MCPH1: variants seen among roughly 807,000 people sequenced by gnomAD.
The protein encoded by MCPH1 is microcephalin.
MCPH1 carries 104 observed loss-of-function variants against 84.5 expected under a neutral mutation model. That is an observed-to-expected ratio of 1.23 (90% CI 1.05 to 1.45). The LOEUF is 1.45. Among genes scored for constraint, MCPH1 ranks in the 40% most tolerant of loss-of-function variants. MCPH1 has a pLI of 0.00. For synonymous variants in MCPH1, 514 were observed against 366.8 expected (o/e 1.40, Z -4.58); for missense variants, 1,498 against 1,005.7 (o/e 1.49, Z -6.62).
At chr8:6,603,298 G>C (rs562255221) in intron 12 of MCPH1, among the ~76,000 whole-genome samples, 1 of 152,072 alleles carries the variant, frequency 6.6e-6, no homozygotes, top group African/African-American at 2.4e-5. Flanking sequence ...ACTGGTGATT[G>C]TGCAGGGGTG....
intron 12 of MCPH1, among the ~76,000 whole-genome samples, chr8:6,556,137 C>A (rs539858971): frequency 6.6e-6 from 1 of 152,204 alleles, no homozygotes; most frequent in African/African-American, 2.4e-5. Flanking sequence ...CTTAACTTCT[C>A]AGGCTCACTT....
intron 12 of MCPH1, chr8:6,502,982 G>C: frequency 4.1e-6 from 5 of 1,213,572 alleles, no homozygotes; most frequent in Non-Finnish European, 5.8e-6. Flanking sequence ...GGTCCCGTCA[G>C]CACCGAGCAC....
At chr8:6,549,386 A>G (rs558058496) in intron 12 of MCPH1, among the ~76,000 whole-genome samples, 1 of 152,370 alleles carries the variant, frequency 6.6e-6, no homozygotes, top group Admixed American at 6.5e-5. Context: ...GACATTCAAA[A>G]CCTAGCAAAA....
Position 6,552,305 on chromosome 8 carries a change from C to G in MCPH1, c.2214+52376C>G, listed in dbSNP as rs1018896453. 3.0e-4 allele frequency among the ~76,000 whole-genome samples: 45 copies of G among 152,280 alleles called. 1 individual carries two copies. The highest frequency in any genetic ancestry group is 1.0e-3 in the African/African-American group (43 of 41,558). ...AATTACATATGACGATGGAATGTGG[C>G]CATATTCACGCAGTCACAGCAGTGT... On this transcript the variant is annotated intron_variant, in intron 12 of 13. Coordinates refer to ENST00000344683, the MANE Select transcript of MCPH1 (RefSeq NM_024596.5).
intron 9 of MCPH1, among the ~76,000 whole-genome samples, chr8:6,477,056 T>A (rs1174947013): frequency 8.0e-5 from 1 of 12,462 alleles, no homozygotes; most frequent in African/African-American, 1.9e-4. Flanking sequence ...ATTAAACATT[T>A]TATTTAAATT....
At chr8:6,437,751 C>A (rs561676460) in intron 5 of MCPH1, among the ~76,000 whole-genome samples, 1 of 152,302 alleles carries the variant, frequency 6.6e-6, no homozygotes, top group African/African-American at 2.4e-5. Flanking sequence ...TTGACATCTC[C>A]TTCTTCCTGA....
intron 12 of MCPH1, among the ~76,000 whole-genome samples, chr8:6,515,384 G>A (rs958339057): frequency 3.3e-5 from 5 of 152,146 alleles, no homozygotes; most frequent in African/African-American, 1.2e-4. Context: ...CAGTGTCCTG[G>A]TGCAAGGTGT....
At chr8:6,456,471 A>C (rs1805689902) in intron 9 of MCPH1, among the ~76,000 whole-genome samples, 2 of 152,184 alleles carry the variant, frequency 1.3e-5, no homozygotes, top group African/African-American at 4.8e-5. Context: ...TTGGAAAGAA[A>C]TAAAGAACCA....
chr8:6,584,637 G>C (rs1252981952), intron 12 of MCPH1, among the ~76,000 whole-genome samples: 1 of 152,178 alleles, frequency 6.6e-6, no homozygotes, highest in African/African-American at 2.4e-5. Flanking sequence ...GTATTTCTCA[G>C]TGTTCGCTAC....
intron 13 of MCPH1, among the ~76,000 whole-genome samples, chr8:6,628,111 C>G (rs1488810816): frequency 6.6e-6 from 1 of 152,052 alleles, no homozygotes; most frequent in Non-Finnish European, 1.5e-5. Flanking sequence ...GGGTCCCCGT[C>G]GTTAAACTTA....
chr8:6,453,526 T>C (rs940726798), intron 8 of MCPH1, among the ~76,000 whole-genome samples: 3 of 152,148 alleles, frequency 2.0e-5, no homozygotes, highest in African/African-American at 7.2e-5. Flanking sequence ...GTGGCTATTA[T>C]AAAACTTTTA....
intron 12 of MCPH1, chr8:6,532,229 G>A (rs955481098): frequency 1.5e-6 from 2 of 1,325,320 alleles, no homozygotes; most frequent in Non-Finnish European, 2.1e-6. Context: ...CTGTGGTGGT[G>A]CTTTCTTTAG....
At chr8:6,472,407 T>C (rs1807846727) in intron 9 of MCPH1, among the ~76,000 whole-genome samples, 1 of 152,226 alleles carries the variant, frequency 6.6e-6, no homozygotes, top group Non-Finnish European at 1.5e-5. Context: ...TTTATTAAAG[T>C]AAAAGCACAA....
rs767475104 is a variant in MCPH1 at position 6,499,819 on chromosome 8, G to A, written c.2137-33G>A. 9 of 1,598,424 alleles carry A rather than the reference G, an allele frequency of 5.6e-6. No individual in the cohort carries two copies. In the Admixed American group the frequency reaches 8.3e-5, roughly 15 times the overall value. ...TTATTGCCTGCTAAGGCTAATAAATGTATAATAAATCTGCTTGTTGTGTCA... is the reference window on the plus strand; with the variant it reads ...TTATTGCCTGCTAAGGCTAATAAATATATAATAAATCTGCTTGTTGTGTCA... On this transcript the variant is annotated intron_variant, in intron 11 of 13. Transcript: ENST00000344683.
At chr8:6,455,549 A>G (rs1323782003) in intron 9 of MCPH1, among the ~76,000 whole-genome samples, 1 of 152,226 alleles carries the variant, frequency 6.6e-6, no homozygotes. Flanking sequence ...GTTTCTTGCC[A>G]TTTTATAATC....
chr8:6,481,576 C>T (rs2922815), intron 11 of MCPH1, among the ~76,000 whole-genome samples: 91,430 of 152,136 alleles, frequency 0.6, 30,427 homozygotes, highest in East Asian at 0.78. Flanking sequence ...CCTCCTCTCC[C>T]AAGAATGTAT....
chr8:6,505,284 A>ACATAGAGT (rs1813174564), intron 12 of MCPH1, among the ~76,000 whole-genome samples: 1 of 32,656 alleles, frequency 3.1e-5, no homozygotes, highest in African/African-American at 1.3e-4. Context: ...ATACATATAT[A>ACATAGAGT]TGTTATATAC....
chr8:6,521,185 T>C, intron 12 of MCPH1: 1 of 1,611,914 alleles, frequency 6.2e-7, no homozygotes. Context: ...TACAGTTTGA[T>C]GTGGACATCA....
rs1049815878 is a variant in MCPH1, at chr8:6,514,834, T to G, written c.2214+14905T>G. The G allele has an allele frequency of 4.8e-6, 7 of 1,443,800 alleles. No homozygotes were observed. The African/African-American group carries it at 7.0e-5, about 14-fold the overall frequency. 89.4% of individuals were successfully genotyped at this position (1,443,800 alleles called of 1,614,324 possible). On this transcript the variant is annotated intron_variant, in intron 12 of 13. Coordinates refer to ENST00000344683, the MANE Select transcript of MCPH1 (RefSeq NM_024596.5). ...AGAGCCCCCCCACTCCCCCCTTACGTAGCAGAAGCAGGAGGAATGTAGACC... is the reference window on the plus strand; with the variant it reads ...AGAGCCCCCCCACTCCCCCCTTACGGAGCAGAAGCAGGAGGAATGTAGACC...
Sources: gnomAD v4.1 joint callset for allele counts (sites outside exome capture counted in the v4.1 genomes callset) on GRCh38, gnomAD v4.1.1 for gene constraint, MANE v1.5 for transcripts, NCBI Gene and HGNC (gene_info 2026-07-23, HGNC 2026-07-21) for gene names.